The following XKR9 variants were observed in gnomAD, a reference collection of about 807,000 sequenced individuals.
XKR9 encodes XK-related protein 9.
Under a neutral mutation model 32.0 loss-of-function variants are expected in XKR9, and 32 were observed. The ratio of observed to expected loss-of-function variants is 1.00; its 90% CI spans 0.76 to 1.34. The LOEUF (loss-of-function observed/expected upper bound fraction) is 1.34. Among genes scored for constraint, XKR9 ranks in the 40% most tolerant of loss-of-function variants. The probability of loss-of-function intolerance (pLI) is 0.00; values close to 1 mark genes in which losing one functional copy is unlikely to be tolerated. For synonymous variants in XKR9, 168 were observed against 143.4 expected (o/e 1.17, Z -1.22); for missense variants, 546 against 429.7 (o/e 1.27, Z -2.39).
the XKR9 span, among the ~76,000 whole-genome samples, chr8:70,847,544 T>A: frequency 6.6e-6 from 1 of 151,786 alleles, no homozygotes; most frequent in African/African-American, 2.4e-5. Context: ...AAAAAGTTAT[T>A]TGTTTGAAAA....
intron 4 of XKR9, among the ~76,000 whole-genome samples, chr8:70,726,209 T>C (rs1263692492): frequency 6.6e-6 from 1 of 152,208 alleles, no homozygotes. Context: ...TGTAAATACA[T>C]TATGGGGACA....
At chr8:70,876,820 G>A in the XKR9 span, among the ~76,000 whole-genome samples, 1 of 152,034 alleles carries the variant, frequency 6.6e-6, no homozygotes, top group Non-Finnish European at 1.5e-5. Context: ...GTGTGTGTGT[G>A]TTTTTAATTA....
At chr8:71,050,376 T>A in the XKR9 span, among the ~76,000 whole-genome samples, 3 of 150,802 alleles carry the variant, frequency 2.0e-5, no homozygotes, top group South Asian at 4.2e-4. Context: ...TAATAGAAAA[T>A]TATTATGGAT....
At chr8:71,037,253 T>C in the XKR9 span, among the ~76,000 whole-genome samples, 8 of 152,218 alleles carry the variant, frequency 5.3e-5, no homozygotes, top group African/African-American at 1.7e-4. Context: ...TATGCATTGA[T>C]AATATCCACA....
At chr8:70,721,435 A>C (rs1382689512) in intron 4 of XKR9, among the ~76,000 whole-genome samples, 1 of 152,200 alleles carries the variant, frequency 6.6e-6, no homozygotes. Context: ...TGATGTGAGC[A>C]TTTAGTGCTA....
chr8:70,884,066 G>T, the XKR9 span, among the ~76,000 whole-genome samples: 2 of 151,928 alleles, frequency 1.3e-5, no homozygotes, highest in Non-Finnish European at 2.9e-5. Flanking sequence ...CAGTGTTTGG[G>T]GTTTTAGCTA....
chr8:71,065,345 G>C, the XKR9 span, among the ~76,000 whole-genome samples: 1 of 152,112 alleles, frequency 6.6e-6, no homozygotes, highest in African/African-American at 2.4e-5. Context: ...CTCTTTCTCT[G>C]ATTATGCACA....
intron 2 of XKR9, among the ~76,000 whole-genome samples, chr8:70,770,606 C>T (rs1807441094): frequency 6.6e-6 from 1 of 152,176 alleles, no homozygotes; most frequent in South Asian, 2.1e-4. Flanking sequence ...TCAGAGAGGC[C>T]CTGCCCAGAG....
chr8:70,687,461 C>T (rs1819340128), intron 3 of XKR9, among the ~76,000 whole-genome samples: 1 of 151,620 alleles, frequency 6.6e-6, no homozygotes, highest in African/African-American at 2.4e-5. Context: ...CCTCGAACTC[C>T]TGGGCTCAGG....
chr8:70,862,676 C>A, the XKR9 span, among the ~76,000 whole-genome samples: 7 of 151,462 alleles, frequency 4.6e-5, no homozygotes, highest in Admixed American at 2.0e-4. Context: ...AAATGCTATC[C>A]AGCTGTGCTG....
rs1432185963 is a variant in XKR9, at chr8:70,671,450, A to G, written c.-361+1912A>G. ...TGCACCCACTAATGTGTCATCTAGC[A>G]TTAGGTATATCTCCCAATGCTATCC... On this transcript the variant is annotated intron_variant, in intron 1 of 4. Transcript: ENST00000408926. 2.3e-5 allele frequency among the ~76,000 whole-genome samples: 2 copies of G among 88,660 alleles called. 1 individual carries two copies. The highest frequency in any genetic ancestry group is 7.0e-5 in the African/African-American group (2 of 28,562). The allele number at this position is 88,660 out of a possible 152,430, so 58.2% of individuals were successfully genotyped here.
chr8:70,744,000 C>T (rs1807023473), intron 2 of XKR9, among the ~76,000 whole-genome samples: 1 of 151,974 alleles, frequency 6.6e-6, no homozygotes, highest in South Asian at 2.1e-4. Flanking sequence ...ATATACCCAC[C>T]TTCTTATTAA....
chr8:70,687,251 T>C (rs529582315), intron 3 of XKR9, among the ~76,000 whole-genome samples: 34 of 152,356 alleles, frequency 2.2e-4, no homozygotes, highest in African/African-American at 8.2e-4. Context: ...CTTAACATAA[T>C]GTTCTTCAGT....
intron 4 of XKR9, among the ~76,000 whole-genome samples, chr8:70,720,378 G>A (rs1190493188): frequency 1.3e-5 from 2 of 152,102 alleles, no homozygotes; most frequent in African/African-American, 4.8e-5. Context: ...TCTTGTGCTG[G>A]TTTTCAAAGG....
chr8:70,878,920 G>C, the XKR9 span, among the ~76,000 whole-genome samples: 1 of 152,086 alleles, frequency 6.6e-6, no homozygotes, highest in Non-Finnish European at 1.5e-5. Flanking sequence ...GCACTCCTCA[G>C]CAAATGTAAA....
chr8:70,957,924 A>G, the XKR9 span, among the ~76,000 whole-genome samples: 1 of 151,512 alleles, frequency 6.6e-6, no homozygotes, highest in Non-Finnish European at 1.5e-5. Flanking sequence ...AGTGGCTGGA[A>G]CTACAGACAT....
chr8:70,812,533 C>T, the XKR9 span, among the ~76,000 whole-genome samples: 6 of 152,274 alleles, frequency 3.9e-5, no homozygotes, highest in East Asian at 1.9e-4. Context: ...GATTGTATAT[C>T]TAGAAAACCC....
At chr8:70,974,182 T>C in the XKR9 span, among the ~76,000 whole-genome samples, 2 of 152,116 alleles carry the variant, frequency 1.3e-5, no homozygotes, top group Admixed American at 1.3e-4. Context: ...TGTGATATTT[T>C]CCTGTTGGAC....
chr8:70,880,595 C>A, the XKR9 span, among the ~76,000 whole-genome samples: 2 of 152,134 alleles, frequency 1.3e-5, no homozygotes, highest in African/African-American at 4.8e-5. Context: ...AGGAGAACAA[C>A]AAACCACTGC....
Sources: gnomAD v4.1 joint callset for allele counts (sites outside exome capture counted in the v4.1 genomes callset) on GRCh38, gnomAD v4.1.1 for gene constraint, MANE v1.5 for transcripts, NCBI Gene and HGNC (gene_info 2026-07-23, HGNC 2026-07-21) for gene names.